NAV2: variants seen among roughly 807,000 people sequenced by gnomAD.
NAV2 encodes the protein neuron navigator 2.
NAV2 carries 54 observed loss-of-function variants against 223.2 expected under a neutral mutation model. That is an observed-to-expected ratio of 0.24 (90% CI 0.19 to 0.30). NAV2 has a LOEUF of 0.30. Among genes scored for constraint, NAV2 ranks in the 10% least tolerant of loss-of-function variants. NAV2 has a pLI of 1.00. For synonymous variants in NAV2, 1,279 were observed against 1,239.3 expected, an observed-to-expected ratio of 1.03 and a Z score of -0.67; for missense variants, 2,806 against 3,147.5, an observed-to-expected ratio of 0.89 and a Z score of 2.60.
chr11:19,563,667 T>C (rs2045173699), intron 1 of NAV2, among the ~76,000 whole-genome samples: 1 of 152,174 alleles, frequency 6.6e-6, no homozygotes, highest in Non-Finnish European at 1.5e-5. Context: ...CATTTTAATA[T>C]GTATCCCAAG....
At chr11:19,381,570 A>G (rs1848837704) in intron 1 of NAV2, among the ~76,000 whole-genome samples, 2 of 152,138 alleles carry the variant, frequency 1.3e-5, no homozygotes, top group Non-Finnish European at 2.9e-5. Flanking sequence ...CAGGGCCACC[A>G]AGCTTGCTGC....
chr11:19,937,646 T>C (rs2046029132), intron 7 of NAV2, among the ~76,000 whole-genome samples: 1 of 152,224 alleles, frequency 6.6e-6, no homozygotes, highest in Non-Finnish European at 1.5e-5. Context: ...TAACAAGTTA[T>C]AGATCTTAGA....
chr11:19,377,663 G>T (rs1171403465), intron 1 of NAV2, among the ~76,000 whole-genome samples: 1 of 124,640 alleles, frequency 8.0e-6, no homozygotes, highest in Non-Finnish European at 1.8e-5. Flanking sequence ...GGTTGAAGGA[G>T]ATTTCCAACC....
upstream of NAV2, among the ~76,000 whole-genome samples, chr11:19,349,692 T>C (rs1853192341): frequency 6.6e-6 from 1 of 152,126 alleles, no homozygotes; most frequent in African/African-American, 2.4e-5. Flanking sequence ...CATAATTACT[T>C]GTTGATGCAT....
At chr11:19,741,485 C>T (rs1421905049) in intron 1 of NAV2, among the ~76,000 whole-genome samples, 1 of 74,524 alleles carries the variant, frequency 1.3e-5, no homozygotes, top group African/African-American at 4.0e-5. Context: ...GCCTGGCTTT[C>T]TTTCTTTCTT....
chr11:19,419,660 A>T (rs1298629177), intron 1 of NAV2, among the ~76,000 whole-genome samples: 1 of 152,222 alleles, frequency 6.6e-6, no homozygotes, highest in Non-Finnish European at 1.5e-5. Flanking sequence ...ACACTTGGTG[A>T]GTGAGTAAAC....
intron 31 of NAV2, 130 bp from the exon 32 acceptor site, chr11:20,100,807 G>A (rs1461802262): frequency 1.4e-6 from 1 of 700,462 alleles, no homozygotes; most frequent in Non-Finnish European, 2.5e-6. Context: ...TCCTGGGTGT[G>A]CAGGAGTCTC....
At position 19,551,745 on chromosome 11, in the gene NAV2, A is replaced by AG. The variant is rs1298032482; in HGVS notation, c.75+200718_75+200719insG. Reference sequence around the variant, plus strand: ...ACAGTAAAATAGTGGTGGGGGAAAAAATGGTTAGTTCTTTCAGAATAGTGC... The same window carrying AG: ...ACAGTAAAATAGTGGTGGGGGAAAAAGATGGTTAGTTCTTTCAGAATAGTGC... On this transcript the variant is annotated intron_variant, in intron 1 of 37. Transcript: ENST00000360655. Among the ~76,000 whole-genome samples the AG allele has an allele frequency of 1.1e-4, 16 of 150,850 alleles. No homozygotes were observed. The East Asian group carries it at 3.1e-3, about 29-fold the overall frequency.
At chr11:19,755,509 CTGA>C (rs34089645) in intron 1 of NAV2, among the ~76,000 whole-genome samples, 104,671 of 151,704 alleles carry the variant, frequency 0.69, 36,303 homozygotes, top group East Asian at 0.91. Flanking sequence ...GCTCTAGAGG[CTGA>C]TGAAAGTCCA....
At chr11:19,969,888 G>A (rs1267695284) in intron 10 of NAV2, among the ~76,000 whole-genome samples, 2 of 151,700 alleles carry the variant, frequency 1.3e-5, no homozygotes, top group Non-Finnish European at 1.5e-5. Context: ...GGAGCTTGCA[G>A]TGAGCCGAGA....
At chr11:19,386,176 A>G (rs1849036031) in intron 1 of NAV2, among the ~76,000 whole-genome samples, 1 of 152,252 alleles carries the variant, frequency 6.6e-6, no homozygotes, top group Non-Finnish European at 1.5e-5. Flanking sequence ...CATGAATGCA[A>G]GCAAAGATAA....
At chr11:19,726,167 C>G (rs1590193103) in intron 1 of NAV2, among the ~76,000 whole-genome samples, 1 of 152,346 alleles carries the variant, frequency 6.6e-6, no homozygotes, top group East Asian at 1.9e-4. Context: ...AAAAATATCT[C>G]TTCCTTAACA....
At chr11:19,530,383 A>G (rs543341902) in intron 1 of NAV2, among the ~76,000 whole-genome samples, 1 of 151,758 alleles carries the variant, frequency 6.6e-6, no homozygotes, top group Non-Finnish European at 1.5e-5. Context: ...GCAAGGTAGC[A>G]TTTGCTTAGA....
intron 10 of NAV2, among the ~76,000 whole-genome samples, chr11:19,962,297 G>C (rs1364871177): frequency 1.3e-5 from 2 of 151,964 alleles, no homozygotes; most frequent in African/African-American, 4.8e-5. Flanking sequence ...GCTTTACTCA[G>C]AGTCTACTGA....
intron 1 of NAV2, among the ~76,000 whole-genome samples, chr11:19,803,929 A>C (rs2058409494): frequency 6.6e-6 from 1 of 152,248 alleles, no homozygotes. Flanking sequence ...TCTAGGAACA[A>C]TTGGCAAGGG....
At chr11:19,430,358 T>G (rs191973373) in intron 1 of NAV2, among the ~76,000 whole-genome samples, 1 of 152,316 alleles carries the variant, frequency 6.6e-6, no homozygotes, top group African/African-American at 2.4e-5. Flanking sequence ...GCTGACCCGT[T>G]TGGTGTCTTC....
chr11:19,642,220 C>G (rs2047685541), intron 1 of NAV2, among the ~76,000 whole-genome samples: 1 of 152,178 alleles, frequency 6.6e-6, no homozygotes, highest in African/African-American at 2.4e-5. Context: ...CTTCAAGTCC[C>G]AGCCAGCCCC....
At chr11:19,635,520 T>C (rs2047470968) in intron 1 of NAV2, among the ~76,000 whole-genome samples, 1 of 152,112 alleles carries the variant, frequency 6.6e-6, no homozygotes, top group South Asian at 2.1e-4. Flanking sequence ...GGCTGGAAAG[T>C]CCAAGATTGG....
chr11:19,646,514 G>C (rs531070775), intron 1 of NAV2, among the ~76,000 whole-genome samples: 1 of 152,134 alleles, frequency 6.6e-6, no homozygotes, highest in Non-Finnish European at 1.5e-5. Context: ...AGCTGAGGGC[G>C]TGTGGTGATG....
Sources: allele counts gnomAD v4.1 joint callset (sites outside exome capture counted in the v4.1 genomes callset), GRCh38; gene constraint gnomAD v4.1.1; transcripts MANE v1.5; gene names NCBI Gene and HGNC (gene_info 2026-07-23, HGNC 2026-07-21).